Variants in NCOR1 observed in about 807,000 individuals in gnomAD.
The protein encoded by NCOR1 is protein phosphatase 1, regulatory subunit 109.
NCOR1 carries 63 observed loss-of-function variants against 288.1 expected under a neutral mutation model. That is an observed-to-expected ratio of 0.22 (90% CI 0.18 to 0.27). The LOEUF (loss-of-function observed/expected upper bound fraction) is 0.27, where lower values mean the gene tolerates loss of function less well. Among genes scored for constraint, NCOR1 ranks in the 10% least tolerant of loss-of-function variants. NCOR1 has a pLI of 1.00. For missense variants in NCOR1, 2,397 were observed against 3,019.2 expected (o/e 0.79, Z 4.83); for synonymous variants, 1,007 against 1,065.9 (o/e 0.94, Z 1.08).
intron 12 of NCOR1, among the ~76,000 whole-genome samples, chr17:16,138,492 G>GGAGAATCGCTTGAAC (rs2076745040): frequency 6.6e-6 from 1 of 152,320 alleles, no homozygotes; most frequent in South Asian, 2.1e-4. Context: ...AGCTGAGGCA[G>GGAGAATCGCTTGAAC]GAGAATCGCT....
intron 40 of NCOR1, among the ~76,000 whole-genome samples, chr17:16,049,712 T>C (rs1405315306): frequency 1.3e-5 from 2 of 151,922 alleles, no homozygotes; most frequent in African/African-American, 2.4e-5. Flanking sequence ...CCCGAGCAGC[T>C]GGAATTGGAA....
At chr17:16,035,412 T>TC (rs1369814097) in intron 44 of NCOR1, among the ~76,000 whole-genome samples, 1 of 152,142 alleles carries the variant, frequency 6.6e-6, no homozygotes, top group Non-Finnish European at 1.5e-5. Context: ...AGATTCAATC[T>TC]CAAGAAACCA....
intron 15 of NCOR1, among the ~76,000 whole-genome samples, chr17:16,125,167 C>G (rs2073796078): frequency 6.6e-6 from 1 of 151,938 alleles, no homozygotes; most frequent in African/African-American, 2.4e-5. Context: ...AGTTCAAGAT[C>G]AGCCTGGGCA....
chr17:16,062,398 C>T, intron 35 of NCOR1, 128 bp from the exon 36 acceptor site: 1 of 980,548 alleles, frequency 1.0e-6, no homozygotes, highest in East Asian at 3.1e-5. Flanking sequence ...AGATAAGAAA[C>T]TTGATAGTCT....
rs764079862 is a variant in NCOR1, at chr17:16,171,864, G to A, written c.374C>T (p.Ala125Val). The stretch of plus-strand genomic sequence containing the variant: ...CAGCGGGTGCACTAAAGGCAAAACC[G>A]CAGCACTGACACGCTGAAAATGAGA... The part of the protein sequence containing the change: ...SDSHFQRVSA[A>V]VLPLVHPLPE... Residue 125 changes from alanine to valine, a missense_variant, in exon 4 of 46, where the codon GCG becomes GTG. Coordinates refer to ENST00000268712, the MANE Select transcript of NCOR1 (RefSeq NM_006311.4). 6.8e-6 allele frequency: 11 copies of A among 1,612,626 alleles called. No homozygotes were observed. The highest frequency in any genetic ancestry group is 2.7e-5 in the African/African-American group (2 of 74,810).
rs1600483168 is a variant in NCOR1 at position 16,201,042 on chromosome 17, C to G, written c.-70-6403G>C. Among the ~76,000 whole-genome samples the G allele has an allele frequency of 2.0e-5, 3 of 152,268 alleles. No homozygotes were observed. In the Middle Eastern group the frequency reaches 0.01, roughly 518 times the overall value. On this transcript the variant is annotated intron_variant, in intron 1 of 45. Coordinates refer to ENST00000268712, the MANE Select transcript of NCOR1 (RefSeq NM_006311.4). ...TTTTCTCTTGTAAAATAAACTAAAG[C>G]ATTCTTCCCTTTGGGGGGAAAAAAA...
chr17:16,114,957 C>G (rs149709449), intron 18 of NCOR1, among the ~76,000 whole-genome samples: 1 of 152,190 alleles, frequency 6.6e-6, no homozygotes, highest in South Asian at 2.1e-4. Flanking sequence ...CCCTTCTGCA[C>G]TGCCCTAGCA....
At chr17:16,211,274 TGA>T (rs750804683) in intron 1 of NCOR1, among the ~76,000 whole-genome samples, 6 of 146,226 alleles carry the variant, frequency 4.1e-5, no homozygotes, top group Non-Finnish European at 9.1e-5. Flanking sequence ...TTTTTTTTTT[TGA>T]GAGACAGTCT....
chr17:16,078,821 TC>T (rs2152804078), intron 26 of NCOR1, among the ~76,000 whole-genome samples: 1 of 152,186 alleles, frequency 6.6e-6, no homozygotes, highest in South Asian at 2.1e-4. Context: ...TGATCCGCTC[TC>T]CTTGGCCTCC....
intron 19 of NCOR1, 113 bp downstream of exon 19, chr17:16,108,673 G>A: frequency 1.2e-6 from 1 of 855,058 alleles, no homozygotes; most frequent in Non-Finnish European, 1.7e-6. Flanking sequence ...TCCACACCAT[G>A]AAAACACTGG....
In NCOR1 at chr17:16,048,779, G is replaced by A. The variant is rs79040621; in HGVS notation, c.6536+66C>T. On this transcript the variant is annotated intron_variant, in intron 41 of 45. Transcript: ENST00000268712. ...AGTTCTGAGAAAAACGGCAACAACT[G>A]AAGGAAATGTTAAAGCATGAGCACC... The A allele has an allele frequency of 1.1e-5, 16 of 1,437,930 alleles. No homozygotes were observed. In the South Asian group the frequency reaches 1.2e-4, roughly 11 times the overall value. 89.1% of individuals were successfully genotyped at this position (1,437,930 alleles called of 1,614,324 possible).
At chr17:16,132,850 A>T (rs1419995272) in intron 14 of NCOR1, among the ~76,000 whole-genome samples, 1 of 138,088 alleles carries the variant, frequency 7.2e-6, no homozygotes, top group Non-Finnish European at 1.5e-5. Flanking sequence ...GGCATGAGCC[A>T]CCACGTCCAG....
At position 16,041,794 on chromosome 17, in the gene NCOR1, C is replaced by T. The variant is rs369701913; in HGVS notation, c.6680-1300G>A. Among the ~76,000 whole-genome samples the T allele has an allele frequency of 4.9e-3, 739 of 150,844 alleles. 7 individuals carry two copies. Among genetic ancestry groups the T allele is most frequent in the African/African-American group, 0.014 (588 of 41,028 alleles). ...CTCTGCCGCCCAGGCTGGAGTGCAGCGGTGCGATCTTGGCTCACTGCAAGC... is the reference window on the plus strand; with the variant it reads ...CTCTGCCGCCCAGGCTGGAGTGCAGTGGTGCGATCTTGGCTCACTGCAAGC... On this transcript the variant is annotated intron_variant, in intron 42 of 45. Transcript: ENST00000268712.
intron 4 of NCOR1, among the ~76,000 whole-genome samples, chr17:16,168,974 A>C (rs868439724): frequency 1.2e-4 from 18 of 152,268 alleles, no homozygotes; most frequent in Middle Eastern, 3.4e-3. Context: ...AAAAAAAAAA[A>C]AAAACAATGC....
intron 40 of NCOR1, 78 bp from the exon 41 acceptor site, chr17:16,049,066 A>C: frequency 1.2e-3 from 1,677 of 1,395,134 alleles, no homozygotes; most frequent in Non-Finnish European, 1.5e-3. Flanking sequence ...TTGTTAACTC[A>C]TGACTTCATT....
chr17:16,177,411 A>G (rs2084416327), intron 3 of NCOR1, among the ~76,000 whole-genome samples: 1 of 150,444 alleles, frequency 6.6e-6, no homozygotes, highest in Non-Finnish European at 1.5e-5. Flanking sequence ...TTTTCCAGGA[A>G]TATATTCGCC....
At chr17:16,095,496 T>G (rs1598521176) in intron 21 of NCOR1, among the ~76,000 whole-genome samples, 2 of 116,654 alleles carry the variant, frequency 1.7e-5, no homozygotes, top group Admixed American at 9.4e-5. Context: ...GGTAGGGGGG[T>G]CAGCCCCCTG....
At chr17:16,178,655 C>T (rs111761031) in intron 3 of NCOR1, among the ~76,000 whole-genome samples, 4 of 152,048 alleles carry the variant, frequency 2.6e-5, no homozygotes, top group African/African-American at 9.7e-5. Context: ...GTGAATCCCA[C>T]TTTTCTAAGT....
chr17:16,057,166 A>T (rs1435695894), intron 40 of NCOR1: 5 of 236,080 alleles, frequency 2.1e-5, no homozygotes, highest in Non-Finnish European at 4.2e-5. Flanking sequence ...ACTGATGCTG[A>T]CCCAGTAGAA....
Sources: allele counts gnomAD v4.1 joint callset (sites outside exome capture counted in the v4.1 genomes callset), GRCh38; gene constraint gnomAD v4.1.1; transcripts MANE v1.5; gene names NCBI Gene and HGNC (gene_info 2026-07-23, HGNC 2026-07-21).